Variants in ENO3 observed in about 807,000 individuals in gnomAD.
The protein encoded by ENO3 is enolase 3.
ENO3 carries 46 observed loss-of-function variants against 47.7 expected under a neutral mutation model. The ratio of observed to expected loss-of-function variants is 0.96; its 90% CI spans 0.76 to 1.23. ENO3 has a LOEUF of 1.23. ENO3 is among the 50% of genes most tolerant of loss of function. The pLI is 0.00. For synonymous variants in ENO3, 223 were observed against 225.9 expected (o/e 0.99, Z 0.11); for missense variants, 575 against 566.2 (o/e 1.02, Z -0.16).
In ENO3 at chr17:4,955,425, C is replaced by T. The variant is rs755251462; in HGVS notation, c.686C>T (p.Thr229Met). The part of the protein sequence containing the change: ...ENNEALELLK[T>M]AIQAAGYPDK... ...CCCCCAGCCCTGGAGCTGCTGAAGA[C>T]GGCCATCCAGGCGGCTGGTTACCCA... The change falls in exon 8 of 12, where the codon ACG (threonine) becomes ATG (methionine). Residue 229 changes from threonine to methionine, a missense_variant. Transcript: ENST00000519602. 6.8e-6 allele frequency: 11 copies of T among 1,614,012 alleles called. No homozygotes were observed. Among genetic ancestry groups the T allele is most frequent in the Admixed American group, 1.7e-5 (1 of 59,996 alleles).
intron 6 of ENO3, 69 bp from the exon 7 acceptor site, chr17:4,955,006 C>CG: frequency 6.8e-7 from 1 of 1,476,382 alleles, no homozygotes; most frequent in Non-Finnish European, 9.3e-7. Flanking sequence ...ACCCCAACAC[C>CG]CCCCGCCCCT....
At chr17:4,954,952 T>C in intron 6 of ENO3, 123 bp from the exon 7 acceptor site, 1 of 652,332 alleles carries the variant, frequency 1.5e-6, no homozygotes, top group Non-Finnish European at 2.6e-6. Flanking sequence ...GCAAAACTAC[T>C]CATCCTAGAC....
chr17:4,955,199 A>G lies in ENO3; in HGVS notation c.569A>G (p.His190Arg). 6.2e-7 allele frequency: 1 copy of G among 1,614,260 alleles called. No homozygotes were observed. Among genetic ancestry groups the G allele is most frequent in the Non-Finnish European group, 8.5e-7 (1 of 1,180,052 alleles). The change falls in exon 7 of 12, where the codon CAC becomes CGC. Residue 190 changes from histidine (H) to arginine (R), a missense_variant. Physicochemically the swap from His to Arg is conservative, Grantham distance 29. Coordinates refer to ENST00000519602, the MANE Select transcript of ENO3 (RefSeq NM_053013.4). ...ATGCGCATTGGCGCCGAGGTCTACC[A>G]CCACCTCAAGGGGGTCATCAAGGCC... is the stretch of plus-strand genomic sequence containing the variant. ...EAMRIGAEVY[H>R]HLKGVIKAKY...
chr17:4,956,453 A>T, intron 9 of ENO3, 120 bp from the exon 10 acceptor site: 1 of 976,418 alleles, frequency 1.0e-6, no homozygotes, highest in Non-Finnish European at 1.7e-6. Flanking sequence ...CAAAGAACTT[A>T]GTCACTGCCC....
intron 5 of ENO3, 123 bp downstream of exon 5, chr17:4,953,464 A>C: frequency 6.9e-7 from 1 of 1,442,114 alleles, no homozygotes; most frequent in South Asian, 1.2e-5. Flanking sequence ...AGCTGGATGG[A>C]TTTGTGTTCA....
In ENO3 at chr17:4,951,878, A is replaced by G. The variant is rs1971550702; in HGVS notation, c.49A>G (p.Asn17Asp). 5 of 1,614,084 alleles carry G rather than the reference A, an allele frequency of 3.1e-6. No individual in the cohort carries two copies. Among genetic ancestry groups the G allele is most frequent in the Non-Finnish European group, 4.2e-6 (5 of 1,180,020 alleles). The part of the protein sequence containing the change: ...FAREILDSRG[N>D]PTVEVDLHTA... ...CCGGGAAATCTTGGACTCCAGGGGC[A>G]ACCCCACGGTGGAGGTGGACCTGCA... The change falls in exon 2 of 12, where the codon AAC becomes GAC. Residue 17 changes from asparagine (N) to aspartate (D), a missense_variant. Asn to Asp is a conservative substitution (Grantham distance 23). Coordinates refer to ENST00000519602, the MANE Select transcript of ENO3 (RefSeq NM_053013.4).
At chr17:4,949,776 C>T (rs1271037593), upstream of ENO3, among the ~76,000 whole-genome samples, 1 of 152,144 alleles carries the variant, frequency 6.6e-6, no homozygotes, top group Non-Finnish European at 1.5e-5. Context: ...CCGAGCGCGG[C>T]GCGCATCCCT....
intron 6 of ENO3, chr17:4,954,076 T>G: frequency 4.7e-6 from 3 of 644,802 alleles, no homozygotes; most frequent in African/African-American, 1.8e-5. Context: ...TTCCTTCCCA[T>G]TCCAATCCTA....
Position 4,956,049 on chromosome 17 carries a change from C to T in ENO3, c.973C>T (p.Pro325Ser), listed in dbSNP as rs1364760081. 1.9e-6 allele frequency: 3 copies of T among 1,614,060 alleles called. No individual in the cohort carries two copies. The highest frequency in any genetic ancestry group is 2.5e-6 in the Non-Finnish European group (3 of 1,180,000). Residue 325 changes from proline to serine, a missense_variant, in exon 9 of 12, where the codon CCC becomes TCC. Transcript: ENST00000519602. ...IVGDDLTVTN[P>S]KRIAQAVEKK... is the part of the protein sequence containing the mutation. ...GGGGGATGACTTGACAGTCACCAAC[C>T]CCAAGAGGATTGCCCAGGCCGTTGA...
Position 4,951,848 on chromosome 17 carries a change from T to G in ENO3, c.19T>G (p.Phe7Val), listed in dbSNP as rs1198583865. 3 of 1,613,980 alleles carry G rather than the reference T, an allele frequency of 1.9e-6. No individual in the cohort carries two copies. Among genetic ancestry groups the G allele is most frequent in the Admixed American group, 3.3e-5 (2 of 60,002 alleles). ...TGCAGCCATGGCCATGCAGAAAATC[T>G]TTGCCCGGGAAATCTTGGACTCCAG... The part of the protein sequence containing the change: MAMQKI[F>V]AREILDSRGN... Residue 7 changes from phenylalanine (F) to valine (V), a missense_variant, in exon 2 of 12, where the codon TTT (phenylalanine) becomes GTT (valine). Physicochemically the swap from Phe to Val is conservative, Grantham distance 50 (BLOSUM62 -1). Coordinates refer to ENST00000519602, the MANE Select transcript of ENO3 (RefSeq NM_053013.4).
At chr17:4,950,547 C>G (rs1281918954), upstream of ENO3, 1 of 985,406 alleles carries the variant, frequency 1.0e-6, no homozygotes, top group Non-Finnish European at 1.2e-6. Flanking sequence ...CGTTTCCTGT[C>G]CCCTAACTCA....
upstream of ENO3, among the ~76,000 whole-genome samples, chr17:4,950,797 G>C (rs568459277): frequency 2.4e-4 from 36 of 152,242 alleles, no homozygotes; most frequent in African/African-American, 8.4e-4. Context: ...TTTCCTAAAG[G>C]TCACTCATTC....
chr17:4,954,974 T>C, intron 6 of ENO3, 101 bp from the exon 7 acceptor site: 1 of 1,002,784 alleles, frequency 1.0e-6, no homozygotes, highest in Admixed American at 2.1e-5. Flanking sequence ...ACTGAGCTAG[T>C]AAGTAGGGAA....
intron 9 of ENO3, 126 bp from the exon 10 acceptor site, chr17:4,956,447 G>T: frequency 2.1e-6 from 2 of 952,052 alleles, no homozygotes; most frequent in Non-Finnish European, 3.4e-6. Flanking sequence ...ACTTCCCAAA[G>T]AACTTAGTCA....
In ENO3 at chr17:4,953,218, C is replaced by T. The variant is rs566502858; in HGVS notation, c.241-54C>T. 9.9e-6 allele frequency: 16 copies of T among 1,613,418 alleles called. No homozygotes were observed. In the African/African-American group the frequency reaches 1.2e-4, roughly 12 times the overall value. On this transcript the variant is annotated intron_variant, in intron 4 of 11. Coordinates refer to ENST00000519602, the MANE Select transcript of ENO3 (RefSeq NM_053013.4). ...CCCTTATCCTTCCCCTGCATGTGCC[C>T]TGACTTCTGAGAAATCTGACCTCTG...
At position 4,955,991 on chromosome 17, in the gene ENO3, C is replaced by G. The variant is rs565982583; in HGVS notation, c.915C>G (p.Thr305=). 1.4e-5 allele frequency: 22 copies of G among 1,613,922 alleles called. No homozygotes were observed. Among genetic ancestry groups the G allele is most frequent in the Non-Finnish European group, 1.9e-5 (22 of 1,180,010 alleles). ...ACCAGGATGACTGGGCCACTTGGACCTCCTTCCTCTCGGGGGTGAACATCC... is the reference window on the plus strand; with the variant it reads ...ACCAGGATGACTGGGCCACTTGGACGTCCTTCCTCTCGGGGGTGAACATCC... ...PFDQDDWATW[T]SFLSGVNIQI... is the part of the protein sequence containing the mutation. Residue 305 remains threonine (T), a synonymous_variant, in exon 9 of 12, where the codon ACC becomes ACG. Transcript: ENST00000519602.
upstream of ENO3, chr17:4,948,939 C>G (rs1386381783): frequency 6.6e-6 from 1 of 152,176 alleles, no homozygotes; most frequent in Non-Finnish European, 1.5e-5. Flanking sequence ...TCCTCCTTCC[C>G]CCACCTCCGC....
rs773334509 is a variant in ENO3 at position 4,955,154 on chromosome 17, C to T, written c.524C>T (p.Ala175Val). The change falls in exon 7 of 12, where the codon GCC becomes GTC. Residue 175 changes from alanine to valine, a missense_variant. Ala to Val is a moderately conservative substitution (Grantham distance 64). Transcript: ENST00000519602. ...MQEFMILPVG[A>V]SSFKEAMRIG... ...GAGTTCATGATTCTGCCTGTGGGAG[C>T]CAGCTCCTTCAAGGAAGCCATGCGC... 2.8e-5 allele frequency: 46 copies of T among 1,614,250 alleles called. No homozygotes were observed. In the East Asian group the frequency reaches 1.0e-3, roughly 35 times the overall value.
At chr17:4,953,401 TG>T in intron 5 of ENO3, 60 bp downstream of exon 5, 4 of 1,605,768 alleles carry the variant, frequency 2.5e-6, no homozygotes, top group Non-Finnish European at 3.4e-6. Context: ...CGAGAGGCCA[TG>T]GGGTGAGGCC....
Sources: allele counts gnomAD v4.1 joint callset (sites outside exome capture counted in the v4.1 genomes callset), GRCh38; gene constraint gnomAD v4.1.1; transcripts MANE v1.5; gene names NCBI Gene and HGNC (gene_info 2026-07-23, HGNC 2026-07-21).